Variants in PDE9A observed in about 807,000 individuals in gnomAD.
PDE9A encodes high affinity cGMP-specific 3',5'-cyclic phosphodiesterase 9A.
PDE9A carries 60 observed loss-of-function variants against 87.4 expected under a neutral mutation model. The ratio of observed to expected loss-of-function variants is 0.69; its 90% CI spans 0.56 to 0.85. The LOEUF (loss-of-function observed/expected upper bound fraction) is 0.85. Among genes scored for constraint, PDE9A ranks in the 40% least tolerant of loss-of-function variants. The pLI, the probability that PDE9A is intolerant of heterozygous loss-of-function variation, is 0.00. For synonymous variants in PDE9A, 272 were observed against 279.4 expected (o/e 0.97, Z 0.27); for missense variants, 665 against 779.0 (o/e 0.85, Z 1.74).
At position 42,753,805 on chromosome 21, in the gene PDE9A, C is replaced by T. The variant is rs147873256; in HGVS notation, c.736-185C>T. Among the ~76,000 whole-genome samples, 102 of 149,302 alleles carry T rather than the reference C, an allele frequency of 6.8e-4. No homozygotes were observed. The East Asian group carries it at 0.019, about 27-fold the overall frequency. On this transcript the variant is annotated intron_variant, in intron 9 of 19. Transcript: ENST00000291539. ...CTTGAACCCAGGAGGCAGAGGTTGC[C>T]GTGAGCCAAGATCGCACCACTGCAC... is the stretch of plus-strand genomic sequence containing the variant.
chr21:42,698,861 C>A, intron 3 of PDE9A, 107 bp from the exon 4 acceptor site: 2 of 628,744 alleles, frequency 3.2e-6, no homozygotes, highest in African/African-American at 1.9e-5. Flanking sequence ...ATAAAAAGAA[C>A]CACCTAATCC....
chr21:42,756,427 C>A (rs1602494236), intron 10 of PDE9A, among the ~76,000 whole-genome samples: 1 of 152,220 alleles, frequency 6.6e-6, no homozygotes, highest in African/African-American at 2.4e-5. Context: ...TGATCACCTC[C>A]CTCCCTTCCA....
chr21:42,769,635 CACACACAGGG>C (rs763966825), intron 17 of PDE9A, among the ~76,000 whole-genome samples: 753 of 46,900 alleles, frequency 0.016, 2 homozygotes, highest in Middle Eastern at 0.096. Flanking sequence ...CACACACAGG[CACACACAGGG>C]ACACACAGGC....
At chr21:42,726,619 TATA>T (rs2051108610) in intron 4 of PDE9A, among the ~76,000 whole-genome samples, 5 of 36,870 alleles carry the variant, frequency 1.4e-4, no homozygotes, top group Admixed American at 2.6e-4. Context: ...TATATATATA[TATA>T]TATTTTTTTT....
At chr21:42,773,536 G>A (rs1280889194) in intron 19 of PDE9A, among the ~76,000 whole-genome samples, 6 of 152,170 alleles carry the variant, frequency 3.9e-5, no homozygotes, top group African/African-American at 1.4e-4. Flanking sequence ...GGCCAGGCAC[G>A]GTGGCTCACG....
At chr21:42,762,046 C>T (rs377695561) in intron 13 of PDE9A, 37 bp from the exon 14 acceptor site, 72 of 1,593,844 alleles carry the variant, frequency 4.5e-5, no homozygotes, top group East Asian at 3.8e-4. Flanking sequence ...CTGGTGAGGG[C>T]GCCTGAGTCT....
intron 1 of PDE9A, among the ~76,000 whole-genome samples, chr21:42,670,116 C>A (rs1401543765): frequency 6.6e-6 from 1 of 152,012 alleles, no homozygotes; most frequent in Non-Finnish European, 1.5e-5. Context: ...TATGCTTACA[C>A]ACATTCACAG....
rs181960435 is a variant in PDE9A, at chr21:42,769,973, C to T, written c.1591-730C>T. 3.3e-3 allele frequency among the ~76,000 whole-genome samples: 508 copies of T among 152,316 alleles called. 9 individuals are homozygous for T. Among genetic ancestry groups the T allele is most frequent in the Admixed American group, 0.014 (212 of 15,308 alleles). On this transcript the variant is annotated intron_variant, in intron 17 of 19. Transcript: ENST00000291539. ...GGGGCCCCTCACTGCCCTCACCCAT[C>T]GCTGCCGGCCTTCAGGACCCTGGAG...
intron 4 of PDE9A, among the ~76,000 whole-genome samples, chr21:42,727,499 T>TTTA (rs2051260790): frequency 7.0e-6 from 1 of 142,760 alleles, no homozygotes; most frequent in Admixed American, 7.0e-5. Context: ...ATTTTTTTTT[T>TTTA]TTTTTTTTTT....
At chr21:42,715,282 C>A (rs1312111592) in intron 4 of PDE9A, among the ~76,000 whole-genome samples, 2 of 151,546 alleles carry the variant, frequency 1.3e-5, no homozygotes, top group African/African-American at 4.9e-5. Flanking sequence ...CATGTTCCCC[C>A]CACACACAGA....
chr21:42,707,889 T>C (rs2048969392), intron 4 of PDE9A, among the ~76,000 whole-genome samples: 1 of 152,202 alleles, frequency 6.6e-6, no homozygotes, highest in African/African-American at 2.4e-5. Context: ...CAGTAAATGG[T>C]TGTTATCATT....
intron 1 of PDE9A, among the ~76,000 whole-genome samples, 200 bp downstream of exon 1, chr21:42,654,083 TG>T (rs535631608): frequency 0.3 from 20,938 of 70,080 alleles, 1,798 homozygotes; most frequent in Non-Finnish European, 0.38. Context: ...GGGTGGGGGG[TG>T]GGGGGGCGGG....
At chr21:42,657,387 G>A (rs952657725) in intron 1 of PDE9A, among the ~76,000 whole-genome samples, 9 of 152,230 alleles carry the variant, frequency 5.9e-5, no homozygotes, top group African/African-American at 2.2e-4. Context: ...AGAGGTGGAA[G>A]CCAGGTCCCC....
At chr21:42,751,001 C>T in intron 8 of PDE9A, 115 bp from the exon 9 acceptor site, 1 of 749,712 alleles carries the variant, frequency 1.3e-6, no homozygotes, top group Admixed American at 1.9e-5. Context: ...TCTCCCACAG[C>T]AAATAAGACC....
rs1330353049 is a variant in PDE9A, at chr21:42,694,934, C to T, written c.219-4034C>T. ...CCCACCCCAGCCCAGCGGGCACTCC[C>T]CTTCTGCAAACCTCCAAGCACATTC... On this transcript the variant is annotated intron_variant, in intron 3 of 19. Transcript: ENST00000291539. The surrounding 1 kb of genome is among the most constrained non-coding windows in gnomAD (Gnocchi z 5.3). Among the ~76,000 whole-genome samples the T allele has an allele frequency of 6.6e-6, 1 of 152,180 alleles. No homozygotes were observed. The highest frequency in any genetic ancestry group is 1.5e-5 in the Non-Finnish European group (1 of 68,038).
chr21:42,729,303 T>A (rs901355596), intron 4 of PDE9A, among the ~76,000 whole-genome samples: 3 of 152,184 alleles, frequency 2.0e-5, no homozygotes, highest in African/African-American at 7.2e-5. Context: ...GTTCCCGTAT[T>A]ATCCTTTTGA....
At chr21:42,733,175 A>G (rs2052018430) in intron 6 of PDE9A, among the ~76,000 whole-genome samples, 181 bp from the exon 7 acceptor site, 2 of 152,176 alleles carry the variant, frequency 1.3e-5, no homozygotes, top group Admixed American at 6.5e-5. Context: ...TTTCCTCCCC[A>G]TGGGACATGA....
chr21:42,672,439 A>G (rs566015121), intron 1 of PDE9A, among the ~76,000 whole-genome samples: 9 of 152,314 alleles, frequency 5.9e-5, no homozygotes, highest in African/African-American at 2.2e-4. Context: ...CTCAGTCCCC[A>G]TTGGTGGTTG....
intron 9 of PDE9A, among the ~76,000 whole-genome samples, chr21:42,752,215 C>CAG: frequency 6.6e-6 from 1 of 152,320 alleles, no homozygotes; most frequent in African/African-American, 2.4e-5. Flanking sequence ...GTGATTCTAT[C>CAG]CACGCAGTTC....
Sources: allele counts gnomAD v4.1 joint callset (sites outside exome capture counted in the v4.1 genomes callset), GRCh38; gene constraint gnomAD v4.1.1; non-coding constraint Gnocchi (gnomAD v3.1); transcripts MANE v1.5; gene names NCBI Gene and HGNC (gene_info 2026-07-23, HGNC 2026-07-21).